The following GPHA2 variants were observed in gnomAD, a reference collection of about 807,000 sequenced individuals.
GPHA2 encodes the protein glycoprotein hormone alpha-2.
In GPHA2, 12 loss-of-function variants were observed where a neutral mutation model predicts 15.3. The ratio of observed to expected loss-of-function variants is 0.78; its 90% CI spans 0.50 to 1.27. The LOEUF is 1.27. Ranked by LOEUF, GPHA2 falls within the 50% of genes most tolerant of loss-of-function variation. The pLI, the probability that GPHA2 is intolerant of heterozygous loss-of-function variation, is 0.00. For missense variants in GPHA2, 156 were observed against 169.5 expected, an observed-to-expected ratio of 0.92 and a Z score of 0.44; for synonymous variants, 61 against 66.8, an observed-to-expected ratio of 0.91 and a Z score of 0.42.
chr11:64,934,956 C>T, intron 3 of GPHA2, 35 bp downstream of exon 3: 2 of 1,613,646 alleles, frequency 1.2e-6, no homozygotes, highest in Non-Finnish European at 1.7e-6. Context: ...TCCCGCGACC[C>T]CAGCGTCCAT....
At position 64,935,353 on chromosome 11, in the gene GPHA2, C is replaced by T. The variant is rs1454688306; in HGVS notation, c.103+5G>A. 4 of 1,585,448 alleles carry T rather than the reference C, an allele frequency of 2.5e-6. No homozygotes were observed. The highest frequency in any genetic ancestry group is 3.4e-6 in the Non-Finnish European group (4 of 1,166,054). ...TCCTAGCCCTCCGGTCCCAGAGGTA[C>T]TCACGGTGCAAGTGGCAGCCTGGGA... On this transcript the variant is annotated splice_donor_5th_base_variant and intron_variant, in intron 2 of 3. Transcript: ENST00000279168.
At chr11:64,935,217 G>C in intron 2 of GPHA2, 42 bp from the exon 3 acceptor site, 2 of 1,570,254 alleles carry the variant, frequency 1.3e-6, no homozygotes, top group Non-Finnish European at 8.7e-7. Context: ...CCTCTGCCAA[G>C]GTTTGCCTCG....
At chr11:64,936,999 A>T (rs1202989359), upstream of GPHA2, among the ~76,000 whole-genome samples, 1 of 152,216 alleles carries the variant, frequency 6.6e-6, no homozygotes, top group Non-Finnish European at 1.5e-5. Flanking sequence ...CTGATTTCAA[A>T]TTCAAATCTG....
At position 64,934,622 on chromosome 11, in the gene GPHA2, C is replaced by G; in HGVS notation, c.*151G>C. ...CACAAAATCTTACAAAGGATCAAAG[C>G]TGGAACAACCCTCCCCTTATTTAAA... On this transcript the variant is annotated 3_prime_UTR_variant, in exon 4 of 4. Transcript: ENST00000279168. 1 of 655,302 alleles carries G rather than the reference C, an allele frequency of 1.5e-6. No homozygotes were observed. The highest frequency in any genetic ancestry group is 1.8e-5 in the South Asian group (1 of 54,988). The allele number at this position is 655,302 out of a possible 1,614,324, so 40.6% of individuals were successfully genotyped here.
rs1016858997 is a variant in GPHA2, at chr11:64,934,991, C to T, written c.288G>A (p.Lys96=). The T allele has an allele frequency of 8.1e-6, 13 of 1,614,058 alleles. No individual in the cohort carries two copies. Among genetic ancestry groups the T allele is most frequent in the Non-Finnish European group, 1.1e-5 (13 of 1,180,004 alleles). ...SQCCTISGLK[K]VKVQLQCVGS... ...TCCACCGGGCCCGGGCCCTCCTCACCTTCTTCAGGCCACTGATGGTGCAGC... is the reference window on the plus strand; with the variant it reads ...TCCACCGGGCCCGGGCCCTCCTCACTTTCTTCAGGCCACTGATGGTGCAGC... Residue 96 remains lysine (K), a splice_region_variant and synonymous_variant, in exon 3 of 4, where the codon AAG becomes AAA. Coordinates refer to ENST00000279168, the MANE Select transcript of GPHA2 (RefSeq NM_130769.4).
At chr11:64,935,637 G>GC in intron 1 of GPHA2, 177 bp from the exon 2 acceptor site, 1 of 524,924 alleles carries the variant, frequency 1.9e-6, no homozygotes, top group South Asian at 3.1e-5. Flanking sequence ...GTGTGTATGG[G>GC]TGTGAGTGTG....
Position 64,935,414 on chromosome 11 carries a change from AG to A in GPHA2, c.46del (p.Leu16TrpfsTer23), listed in dbSNP as rs1565111840. The A allele has an allele frequency of 6.2e-7, 1 of 1,609,924 alleles. No homozygotes were observed. Among genetic ancestry groups the A allele is most frequent in the Non-Finnish European group, 8.5e-7 (1 of 1,178,404 alleles). ...PQTLVLYLLV[L>X]AVTEAWGQEA... is the part of the protein sequence containing the mutation. Reference sequence around the variant, plus strand: ...CTGGCCCCAGGCTTCAGTGACTGCCAGGACCAGCAGATAGAGGACCAGGGTT... The same window carrying A: ...CTGGCCCCAGGCTTCAGTGACTGCCAGACCAGCAGATAGAGGACCAGGGTT... On this transcript the variant is annotated frameshift_variant, in exon 2 of 4. Transcript: ENST00000279168. LOFTEE classifies it high-confidence loss of function.
chr11:64,934,975 C>T lies in GPHA2; in HGVS notation c.288+16G>A. Reference sequence around the variant, plus strand: ...GCGACCCCAGCGTCCATCCACCGGGCCCGGGCCCTCCTCACCTTCTTCAGG... The same window carrying T: ...GCGACCCCAGCGTCCATCCACCGGGTCCGGGCCCTCCTCACCTTCTTCAGG... On this transcript the variant is annotated intron_variant, in intron 3 of 3. Transcript: ENST00000279168. The T allele has an allele frequency of 2.5e-6, 4 of 1,613,938 alleles. No homozygotes were observed.
At position 64,935,393 on chromosome 11, in the gene GPHA2, C is replaced by T; in HGVS notation, c.68G>A (p.Gly23Asp). The stretch of plus-strand genomic sequence containing the variant: ...GCAGCCTGGGATGACTGCCTCCTGG[C>T]CCCAGGCTTCAGTGACTGCCAGGAC... ...LLVLAVTEAW[G>D]QEAVIPGCHL... The change falls in exon 2 of 4, where the codon GGC (glycine) becomes GAC (aspartate). Residue 23 changes from glycine to aspartate, a missense_variant. Gly to Asp is a moderately conservative substitution (Grantham distance 94). Coordinates refer to ENST00000279168, the MANE Select transcript of GPHA2 (RefSeq NM_130769.4). The T allele has an allele frequency of 3.1e-6, 5 of 1,608,326 alleles. No individual in the cohort carries two copies. The highest frequency in any genetic ancestry group is 4.2e-6 in the Non-Finnish European group (5 of 1,177,534).
At chr11:64,936,964 G>C (rs1945299255), upstream of GPHA2, among the ~76,000 whole-genome samples, 1 of 152,194 alleles carries the variant, frequency 6.6e-6, no homozygotes, top group Non-Finnish European at 1.5e-5. Context: ...GTTACTAAAA[G>C]TCACCCAGCT....
chr11:64,935,576 G>A (rs1590683927), intron 1 of GPHA2, 116 bp from the exon 2 acceptor site: 1 of 654,666 alleles, frequency 1.5e-6, no homozygotes, highest in East Asian at 2.7e-5. Flanking sequence ...GGTGAGGTGT[G>A]CCTGAATGGT....
At chr11:64,935,315 G>A (rs773183871) in intron 2 of GPHA2, 43 bp downstream of exon 2, 1 of 1,514,358 alleles carries the variant, frequency 6.6e-7, no homozygotes, top group Non-Finnish European at 9.0e-7. Flanking sequence ...CTCCCACCCA[G>A]AACCTCCACT....
At chr11:64,935,276 G>A in intron 2 of GPHA2, 82 bp downstream of exon 2, 1 of 1,427,000 alleles carries the variant, frequency 7.0e-7, no homozygotes, top group Non-Finnish European at 9.5e-7. Context: ...TTAGGGTGCT[G>A]CCTGCCCCAC....
At chr11:64,934,969 A>G (rs751004486) in intron 3 of GPHA2, 22 bp downstream of exon 3, 79 of 1,613,458 alleles carry the variant, frequency 4.9e-5, no homozygotes, top group Non-Finnish European at 6.5e-5. Flanking sequence ...GCGTCCATCC[A>G]CCGGGCCCGG....
intron 3 of GPHA2, 22 bp downstream of exon 3, chr11:64,934,969 A>ACCGGGC: frequency 6.2e-7 from 1 of 1,613,576 alleles, no homozygotes; most frequent in Non-Finnish European, 8.5e-7. Flanking sequence ...GCGTCCATCC[A>ACCGGGC]CCGGGCCCGG....
At chr11:64,937,230 C>T (rs901286779), upstream of GPHA2, among the ~76,000 whole-genome samples, 1 of 152,200 alleles carries the variant, frequency 6.6e-6, no homozygotes, top group African/African-American at 2.4e-5. Flanking sequence ...CTTTATAACT[C>T]ACCAAATCCT....
chr11:64,935,490 T>G (rs1307185144), intron 1 of GPHA2, 30 bp from the exon 2 acceptor site: 2 of 1,478,340 alleles, frequency 1.4e-6, no homozygotes, highest in Admixed American at 2.1e-5. Context: ...TGTCTCTACG[T>G]GGGTGTGCAG....
chr11:64,935,487 A>C, intron 1 of GPHA2, 27 bp from the exon 2 acceptor site: 1 of 1,484,152 alleles, frequency 6.7e-7, no homozygotes, highest in Non-Finnish European at 9.2e-7. Context: ...AGATGTCTCT[A>C]CGTGGGTGTG....
chr11:64,937,100 C>T (rs1048030180), upstream of GPHA2, among the ~76,000 whole-genome samples: 1 of 152,114 alleles, frequency 6.6e-6, no homozygotes, highest in Admixed American at 6.5e-5. Flanking sequence ...GGGGTTGGGG[C>T]AAGGTGGAGA....
Sources: gnomAD v4.1 joint callset for allele counts (sites outside exome capture counted in the v4.1 genomes callset) on GRCh38, gnomAD v4.1.1 for gene constraint, MANE v1.5 for transcripts, NCBI Gene and HGNC (gene_info 2026-07-23, HGNC 2026-07-21) for gene names.